Variants in POPDC1 observed in about 807,000 individuals in gnomAD.
POPDC1 encodes popeye domain cAMP effector 1.
chr6:105,127,777 T>G, the POPDC1 span, among the ~76,000 whole-genome samples: 1 of 152,164 alleles, frequency 6.6e-6, no homozygotes, highest in Admixed American at 6.5e-5. Flanking sequence ...TTTTTTTTTT[T>G]GAGACAAAAG....
At chr6:105,129,507 T>G in the POPDC1 span, 3 of 1,600,232 alleles carry the variant, frequency 1.9e-6, no homozygotes, top group Non-Finnish European at 2.6e-6. Context: ...GTACATCCTG[T>G]TGAAGAGCAA....
the POPDC1 span, chr6:105,136,135 C>T: frequency 6.6e-6 from 1 of 152,106 alleles, no homozygotes; most frequent in Non-Finnish European, 1.5e-5. Context: ...TCTTGCTAGT[C>T]GAGTTAATTC....
the POPDC1 span, among the ~76,000 whole-genome samples, chr6:105,135,715 A>G: frequency 6.6e-6 from 1 of 152,126 alleles, no homozygotes; most frequent in African/African-American, 2.4e-5. Context: ...ACACCTTATT[A>G]AAGAGAGAGA....
At chr6:105,120,710 A>G in the POPDC1 span, among the ~76,000 whole-genome samples, 1 of 152,208 alleles carries the variant, frequency 6.6e-6, no homozygotes, top group African/African-American at 2.4e-5. Flanking sequence ...AGCCTGTCAT[A>G]AAGAGAAGAC....
At chr6:105,127,973 T>C in the POPDC1 span, among the ~76,000 whole-genome samples, 5 of 152,246 alleles carry the variant, frequency 3.3e-5, no homozygotes, top group African/African-American at 1.2e-4. Flanking sequence ...TTGGCCAGAC[T>C]GGTCTTAAAC....
the POPDC1 span, among the ~76,000 whole-genome samples, chr6:105,130,817 G>T: frequency 6.6e-6 from 1 of 152,076 alleles, no homozygotes; most frequent in Non-Finnish European, 1.5e-5. Flanking sequence ...TATATTATGG[G>T]ACCACTTTCG....
the POPDC1 span, among the ~76,000 whole-genome samples, chr6:105,135,381 C>A: frequency 6.6e-6 from 1 of 152,170 alleles, no homozygotes; most frequent in Non-Finnish European, 1.5e-5. Flanking sequence ...CTACATAAGC[C>A]AGGGAAAGCC....
At chr6:105,125,637 C>A in the POPDC1 span, 1 of 1,502,192 alleles carries the variant, frequency 6.7e-7, no homozygotes, top group Non-Finnish European at 9.2e-7. Context: ...AAAACACTGA[C>A]TTCTGTGGTC....
chr6:105,105,295 G>A, the POPDC1 span, among the ~76,000 whole-genome samples: 21 of 152,164 alleles, frequency 1.4e-4, no homozygotes, highest in Non-Finnish European at 2.8e-4. Flanking sequence ...GGACTACCTG[G>A]TGCCAGCTGG....
At chr6:105,106,738 T>G in the POPDC1 span, among the ~76,000 whole-genome samples, 11 of 152,184 alleles carry the variant, frequency 7.2e-5, no homozygotes, top group Non-Finnish European at 7.4e-5. Flanking sequence ...TGGGCTGCCC[T>G]GCAGATCCTT....
chr6:105,125,241 G>A, the POPDC1 span: 7 of 854,806 alleles, frequency 8.2e-6, no homozygotes, highest in East Asian at 5.0e-5. Flanking sequence ...GCATTGTAAA[G>A]TATAGTTGTA....
At chr6:105,136,360 G>A in the POPDC1 span, 2 of 152,224 alleles carry the variant, frequency 1.3e-5, no homozygotes, top group Non-Finnish European at 2.9e-5. Context: ...GGGGCCCTCT[G>A]ACCTCGCTCC....
chr6:105,100,198 T>C, the POPDC1 span: 1 of 152,028 alleles, frequency 6.6e-6, no homozygotes, highest in African/African-American at 2.4e-5. Flanking sequence ...CACCTTTCTC[T>C]AAAATGTCCC....
At chr6:105,101,516 G>A in the POPDC1 span, among the ~76,000 whole-genome samples, 1 of 152,142 alleles carries the variant, frequency 6.6e-6, no homozygotes, top group Non-Finnish European at 1.5e-5. Flanking sequence ...GTCTGCTTAG[G>A]ACTCAGAACG....
At chr6:105,119,980 C>CCAGTAGTTAGAGTGCTGA in the POPDC1 span, among the ~76,000 whole-genome samples, 4 of 10,888 alleles carry the variant, frequency 3.7e-4, no homozygotes, top group Admixed American at 9.5e-4. Context: ...TGGATTTGGG[C>CCAGTAGTTAGAGTGCTGA]CGGGCGCGGT....
At chr6:105,116,128 T>C in the POPDC1 span, among the ~76,000 whole-genome samples, 1 of 152,192 alleles carries the variant, frequency 6.6e-6, no homozygotes, top group Non-Finnish European at 1.5e-5. Context: ...AGGGCACATA[T>C]ACTCAATTGT....
At chr6:105,100,564 ATATATGTATGTATG>A in the POPDC1 span, 12 of 140,580 alleles carry the variant, frequency 8.5e-5, no homozygotes, top group African/African-American at 3.0e-4. Context: ...ATATATATAT[ATATATGTATGTATG>A]TATGTGTGTG....
chr6:105,120,475 A>T, the POPDC1 span, among the ~76,000 whole-genome samples: 1 of 152,230 alleles, frequency 6.6e-6, no homozygotes, highest in Non-Finnish European at 1.5e-5. Flanking sequence ...AGAATTTTAA[A>T]AGTTTCCATA....
At chr6:105,115,688 A>C in the POPDC1 span, 1 of 1,613,932 alleles carries the variant, frequency 6.2e-7, no homozygotes, top group Non-Finnish European at 8.5e-7. Context: ...TAACTTACGA[A>C]GAGAGGACAT....
Sources: gnomAD v4.1 joint callset for allele counts (sites outside exome capture counted in the v4.1 genomes callset) on GRCh38, gnomAD v4.1.1 for gene constraint, MANE v1.5 for transcripts, NCBI Gene and HGNC (gene_info 2026-07-23, HGNC 2026-07-21) for gene names.